KALRN: variants seen among roughly 807,000 people sequenced by gnomAD.
The protein encoded by KALRN is kalirin.
Under a neutral mutation model 353.7 loss-of-function variants are expected in KALRN, and 70 were observed. The ratio of observed to expected loss-of-function variants is 0.20; its 90% CI spans 0.16 to 0.24. The LOEUF is 0.24. Ranked by LOEUF, KALRN falls within the 10% of genes least tolerant of loss-of-function variation. KALRN has a pLI of 1.00. For synonymous variants in KALRN, 1,391 were observed against 1,434.8 expected (o/e 0.97, Z 0.69); for missense variants, 2,791 against 3,756.7 (o/e 0.74, Z 6.72).
chr3:124,432,343 G>C (rs559608651), intron 16 of KALRN, among the ~76,000 whole-genome samples: 8 of 152,190 alleles, frequency 5.3e-5, no homozygotes, highest in African/African-American at 1.9e-4. Context: ...GAACCCAGGA[G>C]GTGGAAGTCG....
chr3:124,035,173 T>A (rs1577416435), intron 1 of KALRN, among the ~76,000 whole-genome samples: 1 of 152,058 alleles, frequency 6.6e-6, no homozygotes. Flanking sequence ...TTTTCTTTCT[T>A]CCTCCTTCCT....
At chr3:124,093,625 G>A (rs1343184292) in intron 1 of KALRN, among the ~76,000 whole-genome samples, 2 of 152,190 alleles carry the variant, frequency 1.3e-5, no homozygotes, top group Admixed American at 6.5e-5. Flanking sequence ...TTGTATCAGG[G>A]ACTCAGATGC....
chr3:124,620,248 G>A (rs934507027), intron 34 of KALRN, among the ~76,000 whole-genome samples: 2 of 152,018 alleles, frequency 1.3e-5, no homozygotes, highest in Non-Finnish European at 2.9e-5. Flanking sequence ...CAACAGGAGC[G>A]CACCACCACA....
chr3:124,078,785 C>A (rs915993311), intron 1 of KALRN, among the ~76,000 whole-genome samples: 5 of 152,156 alleles, frequency 3.3e-5, no homozygotes, highest in African/African-American at 1.2e-4. Flanking sequence ...AGAAATACTT[C>A]CTTAGTACTA....
chr3:124,109,738 A>G (rs1270472153), intron 1 of KALRN, among the ~76,000 whole-genome samples: 3 of 140,320 alleles, frequency 2.1e-5, no homozygotes, highest in Middle Eastern at 9.8e-3. Context: ...ACTTTGATAT[A>G]TATATGACAT....
intron 10 of KALRN, among the ~76,000 whole-genome samples, chr3:124,357,356 C>T (rs1467582703): frequency 6.6e-6 from 1 of 152,218 alleles, no homozygotes. Context: ...CAAATGCAAT[C>T]TCATCATCAT....
chr3:124,208,984 A>C (rs60254409), intron 1 of KALRN, among the ~76,000 whole-genome samples: 20,143 of 150,172 alleles, frequency 0.13, 1,812 homozygotes, highest in African/African-American at 0.26. Flanking sequence ...TAATAATAAT[A>C]ATCATCATCA....
intron 1 of KALRN, among the ~76,000 whole-genome samples, chr3:124,134,187 AGACCAATG>A (rs1384798504): frequency 2.0e-5 from 3 of 152,240 alleles, no homozygotes; most frequent in Non-Finnish European, 4.4e-5. Flanking sequence ...ATAGGCACAT[AGACCAATG>A]GAACAGAATA....
chr3:124,378,104 G>GT (rs1272209089), intron 10 of KALRN, among the ~76,000 whole-genome samples: 1 of 151,136 alleles, frequency 6.6e-6, no homozygotes, highest in African/African-American at 2.4e-5. Flanking sequence ...TTTTCTATTT[G>GT]TTTCATCTGT....
intron 1 of KALRN, among the ~76,000 whole-genome samples, chr3:124,081,166 G>A (rs186977770): frequency 2.0e-5 from 3 of 152,274 alleles, no homozygotes; most frequent in Admixed American, 1.3e-4. Flanking sequence ...TACTGTAGCG[G>A]GACTGTCATG....
chr3:124,656,315 G>T (rs1202321986), intron 39 of KALRN, among the ~76,000 whole-genome samples: 1 of 152,110 alleles, frequency 6.6e-6, no homozygotes, highest in Non-Finnish European at 1.5e-5. Flanking sequence ...AGAACATGAA[G>T]TCTAAAAGTT....
intron 29 of KALRN, 37 bp from the exon 30 acceptor site, chr3:124,490,657 A>G: frequency 6.3e-7 from 1 of 1,590,636 alleles, no homozygotes; most frequent in Admixed American, 1.7e-5. Context: ...CTGTGGCAGT[A>G]GAGAAACTCC....
intron 25 of KALRN, among the ~76,000 whole-genome samples, chr3:124,463,955 C>T (rs577007955): frequency 1.3e-5 from 2 of 152,202 alleles, no homozygotes; most frequent in Admixed American, 1.3e-4. Flanking sequence ...TATAAGTTCC[C>T]AGTCTTTTGT....
intron 34 of KALRN, among the ~76,000 whole-genome samples, chr3:124,601,762 G>T (rs982923281): frequency 6.6e-6 from 1 of 152,160 alleles, no homozygotes; most frequent in Non-Finnish European, 1.5e-5. Flanking sequence ...CAGTGTGGTG[G>T]CTCATGCCTA....
In KALRN at chr3:124,370,073, A is replaced by C. The variant is rs551298782; in HGVS notation, c.1771-14772A>C. 2.5e-3 allele frequency among the ~76,000 whole-genome samples: 381 copies of C among 152,332 alleles called. 1 individual carries two copies. Among genetic ancestry groups the C allele is most frequent in the African/African-American group, 8.8e-3 (365 of 41,578 alleles). ...GGAATTAAAAATAAAAAAATATATA[A>C]ACGTTATTTGTCAACATAAGTTCCA... is the stretch of plus-strand genomic sequence containing the variant. On this transcript the variant is annotated intron_variant, in intron 10 of 59. Coordinates refer to ENST00000682506, the MANE Select transcript of KALRN (RefSeq NM_001388419.1).
chr3:124,249,169 C>G (rs774507520), intron 3 of KALRN, among the ~76,000 whole-genome samples: 5 of 152,206 alleles, frequency 3.3e-5, no homozygotes, highest in Non-Finnish European at 7.3e-5. Context: ...CACACAAACT[C>G]AGAGGGAATG....
At chr3:124,433,824 T>C (rs1415008841) in intron 16 of KALRN, among the ~76,000 whole-genome samples, 1 of 152,246 alleles carries the variant, frequency 6.6e-6, no homozygotes, top group Non-Finnish European at 1.5e-5. Context: ...TGATTATTAA[T>C]GTTTTAAATG....
chr3:124,306,495 G>A (rs1439851979), intron 6 of KALRN, among the ~76,000 whole-genome samples: 1 of 152,130 alleles, frequency 6.6e-6, no homozygotes, highest in African/African-American at 2.4e-5. Flanking sequence ...GAAAACATGA[G>A]ACACCATTAA....
At chr3:124,270,352 C>T (rs1241574679) in intron 5 of KALRN, among the ~76,000 whole-genome samples, 1 of 152,116 alleles carries the variant, frequency 6.6e-6, no homozygotes, top group Admixed American at 6.5e-5. Context: ...ATCTTCAGCT[C>T]TCTGTATAAG....
Sources: allele counts gnomAD v4.1 joint callset (sites outside exome capture counted in the v4.1 genomes callset), GRCh38; gene constraint gnomAD v4.1.1; transcripts MANE v1.5; gene names NCBI Gene and HGNC (gene_info 2026-07-23, HGNC 2026-07-21).